The following ST3GAL3 variants were observed in gnomAD, a reference collection of about 807,000 sequenced individuals.
ST3GAL3 encodes ST3 beta-galactoside alpha-2,3-sialyltransferase 3.
ST3GAL3 carries 21 observed loss-of-function variants against 50.1 expected under a neutral mutation model. The ratio of observed to expected loss-of-function variants is 0.42; its 90% confidence interval spans 0.30 to 0.60. The LOEUF (loss-of-function observed/expected upper bound fraction) is 0.60. Among genes scored for constraint, ST3GAL3 ranks in the 20% least tolerant of loss-of-function variants. ST3GAL3 has a pLI of 0.19. For synonymous variants in ST3GAL3, 183 were observed against 190.0 expected, an observed-to-expected ratio of 0.96 and a Z score of 0.30; for missense variants, 353 against 489.4, an observed-to-expected ratio of 0.72 and a Z score of 2.63.
chr1:43,906,855 AT>A (rs2079862330), intron 9 of ST3GAL3, among the ~76,000 whole-genome samples: 1 of 152,196 alleles, frequency 6.6e-6, no homozygotes, highest in Non-Finnish European at 1.5e-5. Flanking sequence ...CATCCTAGAG[AT>A]TAAGAAACTA....
intron 4 of ST3GAL3, among the ~76,000 whole-genome samples, chr1:43,817,388 T>C (rs2061380472): frequency 1.7e-5 from 1 of 58,788 alleles, no homozygotes; most frequent in African/African-American, 8.7e-5. Context: ...CTCCTTCTTC[T>C]TCTCCTCCTT....
chr1:43,918,451 C>G (rs1448607329), intron 9 of ST3GAL3, among the ~76,000 whole-genome samples: 2 of 152,086 alleles, frequency 1.3e-5, no homozygotes, highest in Non-Finnish European at 2.9e-5. Flanking sequence ...TAAACATTTA[C>G]TTATTTTGTA....
At chr1:43,783,477 T>A (rs1461502389) in intron 2 of ST3GAL3, among the ~76,000 whole-genome samples, 1 of 152,184 alleles carries the variant, frequency 6.6e-6, no homozygotes, top group Admixed American at 6.5e-5. Context: ...TGAGACTCGA[T>A]AGAAAGGTGA....
chr1:43,777,106 T>C (rs1697556682), intron 2 of ST3GAL3, among the ~76,000 whole-genome samples: 1 of 152,194 alleles, frequency 6.6e-6, no homozygotes, highest in African/African-American at 2.4e-5. Context: ...TTCATATCTT[T>C]TTTATTATTT....
intron 2 of ST3GAL3, among the ~76,000 whole-genome samples, chr1:43,774,642 GT>G (rs1696508188): frequency 6.6e-6 from 1 of 152,170 alleles, no homozygotes; most frequent in Non-Finnish European, 1.5e-5. Flanking sequence ...ATACAGATTT[GT>G]AAAAGTCTGT....
intron 5 of ST3GAL3, among the ~76,000 whole-genome samples, chr1:43,848,202 A>G (rs536060923): frequency 6.7e-6 from 1 of 149,704 alleles, no homozygotes. Context: ...CTTTGTATGT[A>G]GTATTTCATT....
Position 43,899,007 on chromosome 1 carries a change from G to A in ST3GAL3, c.462-161G>A. 1.1e-6 allele frequency: 1 copy of A among 912,792 alleles called. No homozygotes were observed. 56.5% of individuals were successfully genotyped at this position (912,792 alleles called of 1,614,324 possible). A position where few individuals can be genotyped will look rare whatever the true frequency, so the allele number is the denominator to read the frequency against. On this transcript the variant is annotated intron_variant, in intron 7 of 11. Coordinates refer to ENST00000347631, the MANE Select transcript of ST3GAL3 (RefSeq NM_006279.5). The surrounding 1 kb of genome is among the most constrained non-coding windows in gnomAD (Gnocchi z 5.4). ...TCAGGGCCCAGCTACCCATTGTATG[G>A]TTCAGGCCTTCTCTCAGAAATGCTG...
intron 2 of ST3GAL3, among the ~76,000 whole-genome samples, chr1:43,789,622 A>C (rs1478160537): frequency 6.6e-6 from 1 of 152,154 alleles, no homozygotes; most frequent in Non-Finnish European, 1.5e-5. Context: ...TGTAATCCCA[A>C]CATTTTGGGA....
intron 3 of ST3GAL3, among the ~76,000 whole-genome samples, chr1:43,813,022 T>C (rs2060748972): frequency 6.6e-6 from 1 of 152,224 alleles, no homozygotes; most frequent in South Asian, 2.1e-4. Context: ...CAGGATTTGT[T>C]TTTTAATGCA....
intron 2 of ST3GAL3, among the ~76,000 whole-genome samples, chr1:43,758,100 C>T (rs959304236): frequency 4.6e-5 from 7 of 151,250 alleles, no homozygotes; most frequent in African/African-American, 9.7e-5. Flanking sequence ...GTATTAAATG[C>T]GAATTAAAAC....
intron 1 of ST3GAL3, among the ~76,000 whole-genome samples, chr1:43,712,973 TTG>T (rs1485973865): frequency 1.3e-5 from 2 of 152,304 alleles, no homozygotes; most frequent in Admixed American, 1.3e-4. Flanking sequence ...AGTGACTACT[TTG>T]TCAGCTTTGC....
chr1:43,785,114 T>TA (rs3838467), intron 2 of ST3GAL3, among the ~76,000 whole-genome samples: 126,357 of 152,076 alleles, frequency 0.83, 53,049 homozygotes, highest in East Asian at 0.92. Flanking sequence ...GGACTAAGAC[T>TA]GGGGGGGTTA....
intron 9 of ST3GAL3, chr1:43,913,899 G>A (rs1192666645): frequency 6.6e-6 from 1 of 152,208 alleles, no homozygotes; most frequent in Admixed American, 6.5e-5. Flanking sequence ...GAGGTGGCCT[G>A]CTCCAAGGAG....
intron 2 of ST3GAL3, among the ~76,000 whole-genome samples, chr1:43,756,272 A>G (rs1002413904): frequency 6.6e-6 from 1 of 152,120 alleles, no homozygotes; most frequent in East Asian, 1.9e-4. Flanking sequence ...AATGGAAACT[A>G]AATTAGTAAC....
intron 1 of ST3GAL3, among the ~76,000 whole-genome samples, chr1:43,715,925 A>T (rs1294815232): frequency 1.3e-5 from 2 of 152,236 alleles, no homozygotes; most frequent in Non-Finnish European, 2.9e-5. Flanking sequence ...AGAATGTCTT[A>T]GATTGTGAAA....
chr1:43,736,509 T>A (rs1678522188), intron 2 of ST3GAL3, 129 bp downstream of exon 2: 1 of 1,558,840 alleles, frequency 6.4e-7, no homozygotes, highest in East Asian at 2.2e-5. Context: ...TCTGGGACTT[T>A]GGCCTAGAAA....
chr1:43,891,186 TTA>T (rs1200519436), intron 5 of ST3GAL3, among the ~76,000 whole-genome samples: 1 of 152,206 alleles, frequency 6.6e-6, no homozygotes, highest in Non-Finnish European at 1.5e-5. Context: ...AGCCAGGACA[TTA>T]TCAAAGATTA....
At chr1:43,873,795 TA>T (rs2073521110) in intron 5 of ST3GAL3, among the ~76,000 whole-genome samples, 1 of 150,998 alleles carries the variant, frequency 6.6e-6, no homozygotes. Context: ...TGTCTCAAAA[TA>T]AATAAATAAA....
rs199711545 is a variant in ST3GAL3 at position 43,766,409 on chromosome 1, T to TA, written c.119-25684dup. Reference sequence around the variant, plus strand: ...CAGAGACAACAAAGAAGTGGCGATTTAAAAAAAAATAAGTAAATAAATAAG... The same window carrying TA: ...CAGAGACAACAAAGAAGTGGCGATTTAAAAAAAAAATAAGTAAATAAATAAG... On this transcript the variant is annotated intron_variant, in intron 2 of 11. Coordinates refer to ENST00000347631, the MANE Select transcript of ST3GAL3 (RefSeq NM_006279.5). Among the ~76,000 whole-genome samples the TA allele has an allele frequency of 7.9e-3, 1,200 of 151,326 alleles. 15 individuals carry two copies. Among genetic ancestry groups the TA allele is most frequent in the African/African-American group, 0.027 (1,117 of 41,266 alleles).
Sources: allele counts gnomAD v4.1 joint callset (sites outside exome capture counted in the v4.1 genomes callset), GRCh38; gene constraint gnomAD v4.1.1; non-coding constraint Gnocchi (gnomAD v3.1); transcripts MANE v1.5; gene names NCBI Gene and HGNC (gene_info 2026-07-23, HGNC 2026-07-21).